TENM3: variants seen among roughly 807,000 people sequenced by gnomAD.
TENM3 encodes teneurin transmembrane protein 3, also known as teneurin-3.
TENM3 carries 63 observed loss-of-function variants against 255.1 expected under a neutral mutation model. The ratio of observed to expected loss-of-function variants is 0.25; its 90% CI spans 0.20 to 0.30. The LOEUF (loss-of-function observed/expected upper bound fraction) is 0.30. Ranked by LOEUF, TENM3 falls within the 10% of genes least tolerant of loss-of-function variation. The probability of loss-of-function intolerance (pLI) is 1.00; values close to 1 mark genes in which losing one functional copy is unlikely to be tolerated. For synonymous variants in TENM3, 1,306 were observed against 1,322.3 expected (o/e 0.99, Z 0.27); for missense variants, 2,929 against 3,461.1 (o/e 0.85, Z 3.86).
intron 1 of TENM3, among the ~76,000 whole-genome samples, chr4:182,157,163 C>G (rs1750768053): frequency 6.6e-6 from 1 of 152,172 alleles, no homozygotes; most frequent in Non-Finnish European, 1.5e-5. Flanking sequence ...GTGGCCTTAA[C>G]TGCTAACAAA....
the TENM3 span, among the ~76,000 whole-genome samples, chr4:181,455,954 C>T: frequency 1.3e-5 from 2 of 151,882 alleles, no homozygotes; most frequent in Non-Finnish European, 2.9e-5. Flanking sequence ...AGGTAGCCAG[C>T]TTTCACTGAG....
the TENM3 span, among the ~76,000 whole-genome samples, chr4:181,696,476 A>G: frequency 5.3e-5 from 8 of 152,340 alleles, no homozygotes; most frequent in East Asian, 3.9e-4. Context: ...TAAACGTATT[A>G]ACATGAAACA....
At chr4:182,159,943 T>C (rs188144859) in intron 1 of TENM3, among the ~76,000 whole-genome samples, 56 of 152,298 alleles carry the variant, frequency 3.7e-4, no homozygotes, top group African/African-American at 1.1e-3. Flanking sequence ...TGATGCCAGA[T>C]AACAGGGATG....
chr4:181,671,477 G>A, the TENM3 span, among the ~76,000 whole-genome samples: 4 of 152,192 alleles, frequency 2.6e-5, no homozygotes, highest in South Asian at 2.1e-4. Flanking sequence ...CTTAATACTC[G>A]TATGATTTAG....
chr4:181,967,466 G>A, the TENM3 span, among the ~76,000 whole-genome samples: 1 of 152,086 alleles, frequency 6.6e-6, no homozygotes, highest in Non-Finnish European at 1.5e-5. Flanking sequence ...TTTTGGAAAT[G>A]TCCAATTCCT....
At chr4:181,642,936 C>T in the TENM3 span, among the ~76,000 whole-genome samples, 3 of 152,046 alleles carry the variant, frequency 2.0e-5, no homozygotes, top group African/African-American at 4.8e-5. Context: ...AATCAGGTAG[C>T]GTGATGCCTC....
chr4:181,632,658 G>T, the TENM3 span, among the ~76,000 whole-genome samples: 1 of 152,118 alleles, frequency 6.6e-6, no homozygotes, highest in Non-Finnish European at 1.5e-5. Context: ...TTCTGCCTCA[G>T]TGTGAATCAC....
At chr4:182,551,745 G>T (rs1742050487) in intron 3 of TENM3, among the ~76,000 whole-genome samples, 2 of 152,070 alleles carry the variant, frequency 1.3e-5, no homozygotes, top group South Asian at 4.1e-4. Flanking sequence ...AATGGGCCAT[G>T]CACAGTAGCT....
chr4:182,540,089 A>G (rs1413750571), intron 3 of TENM3, among the ~76,000 whole-genome samples: 1 of 152,252 alleles, frequency 6.6e-6, no homozygotes, highest in African/African-American at 2.4e-5. Flanking sequence ...GGTAAATCTA[A>G]GATTGACAAG....
chr4:181,735,889 A>G, the TENM3 span, among the ~76,000 whole-genome samples: 1 of 152,192 alleles, frequency 6.6e-6, no homozygotes, highest in Non-Finnish European at 1.5e-5. Context: ...CAAAGTTGGT[A>G]TTTTTGTCAT....
chr4:181,699,464 A>AAG, the TENM3 span, among the ~76,000 whole-genome samples: 4 of 148,852 alleles, frequency 2.7e-5, no homozygotes, highest in South Asian at 8.5e-4. Context: ...AAAAAAAAAA[A>AAG]AAAAAAAAGA....
chr4:181,544,818 TTAAAA>T, the TENM3 span, among the ~76,000 whole-genome samples: 1 of 152,066 alleles, frequency 6.6e-6, no homozygotes, highest in African/African-American at 2.4e-5. Context: ...AAGACACAAA[TTAAAA>T]TAAGGAAGCC....
chr4:181,962,593 T>C, the TENM3 span, among the ~76,000 whole-genome samples: 5 of 152,226 alleles, frequency 3.3e-5, no homozygotes, highest in Admixed American at 1.3e-4. Flanking sequence ...GCTTAAGAGC[T>C]CGTCGTATTA....
intron 1 of TENM3, among the ~76,000 whole-genome samples, chr4:182,167,623 A>C (rs1181627832): frequency 6.6e-6 from 1 of 152,178 alleles, no homozygotes; most frequent in Non-Finnish European, 1.5e-5. Context: ...CTATAATCTC[A>C]GCACTTTGGG....
At chr4:181,691,707 A>T in the TENM3 span, among the ~76,000 whole-genome samples, 1 of 152,162 alleles carries the variant, frequency 6.6e-6, no homozygotes, top group Non-Finnish European at 1.5e-5. Flanking sequence ...ATACATTCTT[A>T]AAAATATACC....
chr4:181,707,941 C>A, the TENM3 span, among the ~76,000 whole-genome samples: 1 of 151,930 alleles, frequency 6.6e-6, no homozygotes, highest in African/African-American at 2.4e-5. Context: ...CAGAAGTGAA[C>A]AAATACATAA....
At chr4:181,532,672 G>A in the TENM3 span, among the ~76,000 whole-genome samples, 2 of 152,206 alleles carry the variant, frequency 1.3e-5, no homozygotes, top group South Asian at 2.1e-4. Context: ...TTAGAAATCA[G>A]TCCTGTTAAA....
At chr4:182,486,112 T>G (rs1415373314) in intron 3 of TENM3, among the ~76,000 whole-genome samples, 1 of 151,704 alleles carries the variant, frequency 6.6e-6, no homozygotes, top group Non-Finnish European at 1.5e-5. Context: ...ACCATCAGAG[T>G]GCAGGTGTGG....
In TENM3 at chr4:182,685,188, T is replaced by A. The variant is rs568875006; in HGVS notation, c.2036-2978T>A. Among the ~76,000 whole-genome samples, 7 of 152,226 alleles carry A rather than the reference T, an allele frequency of 4.6e-5. No individual in the cohort carries two copies. The East Asian group carries it at 1.4e-3, about 29-fold the overall frequency. ...ATTTTTGTATGAGTTTTCTTCCTCC[T>A]TCCCTCCCTCTCTTATCTCTCCTTC... On this transcript the variant is annotated intron_variant, in intron 11 of 27. Transcript: ENST00000511685.
Sources: allele counts gnomAD v4.1 joint callset (sites outside exome capture counted in the v4.1 genomes callset), GRCh38; gene constraint gnomAD v4.1.1; transcripts MANE v1.5; gene names NCBI Gene and HGNC (gene_info 2026-07-23, HGNC 2026-07-21).